KCNH8: variants seen among roughly 807,000 people sequenced by gnomAD.
KCNH8 encodes voltage-gated delayed rectifier potassium channel KCNH8.
Under a neutral mutation model 103.6 loss-of-function variants are expected in KCNH8, and 70 were observed. The observed-to-expected ratio is 0.68, with a 90% CI of 0.56 to 0.82. The LOEUF (loss-of-function observed/expected upper bound fraction) is 0.82, where lower values mean the gene tolerates loss of function less well. Among genes scored for constraint, KCNH8 ranks in the 40% least tolerant of loss-of-function variants. The pLI is 0.00. For synonymous variants in KCNH8, 498 were observed against 489.4 expected, an observed-to-expected ratio of 1.02 and a Z score of -0.23; for missense variants, 1,217 against 1,329.9, an observed-to-expected ratio of 0.92 and a Z score of 1.32.
intron 11 of KCNH8, among the ~76,000 whole-genome samples, chr3:19,498,800 G>C (rs1362418142): frequency 6.6e-6 from 1 of 152,148 alleles, no homozygotes; most frequent in East Asian, 1.9e-4. Flanking sequence ...CCTTCTAACA[G>C]ACAGGACCCT....
intron 11 of KCNH8, among the ~76,000 whole-genome samples, chr3:19,471,127 G>A (rs1008569270): frequency 6.6e-6 from 1 of 152,016 alleles, no homozygotes; most frequent in Non-Finnish European, 1.5e-5. Flanking sequence ...GAAAGAAAAG[G>A]CCACCTGCCA....
intron 5 of KCNH8, among the ~76,000 whole-genome samples, chr3:19,378,461 A>T (rs923218442): frequency 2.6e-5 from 4 of 152,138 alleles, no homozygotes; most frequent in Non-Finnish European, 5.9e-5. Context: ...ATTAGAAGCA[A>T]TTTTTCCCAT....
intron 10 of KCNH8, 54 bp downstream of exon 10, chr3:19,451,458 G>A: frequency 1.3e-6 from 2 of 1,564,526 alleles, no homozygotes; most frequent in Middle Eastern, 1.7e-4. Flanking sequence ...CATAAATTAA[G>A]AAGATGAAAT....
At chr3:19,376,294 T>C (rs1217907641) in intron 5 of KCNH8, among the ~76,000 whole-genome samples, 1 of 152,202 alleles carries the variant, frequency 6.6e-6, no homozygotes, top group Non-Finnish European at 1.5e-5. Flanking sequence ...CAGGATATAA[T>C]CTCGTGGTGC....
intron 3 of KCNH8, among the ~76,000 whole-genome samples, chr3:19,289,561 C>T (rs1364303224): frequency 6.6e-6 from 1 of 152,032 alleles, no homozygotes; most frequent in African/African-American, 2.4e-5. Flanking sequence ...TTTCTGAGGG[C>T]TCTGTTCTGT....
intron 2 of KCNH8, among the ~76,000 whole-genome samples, chr3:19,259,110 T>G (rs1559447155): frequency 6.6e-6 from 1 of 151,126 alleles, no homozygotes; most frequent in East Asian, 1.9e-4. Context: ...TGGATAACTC[T>G]GTACTCACAA....
At chr3:19,470,618 G>A (rs1462047281) in intron 11 of KCNH8, among the ~76,000 whole-genome samples, 1 of 152,180 alleles carries the variant, frequency 6.6e-6, no homozygotes, top group African/African-American at 2.4e-5. Flanking sequence ...GATGAAGAGA[G>A]ATCACCCTGT....
intron 8 of KCNH8, among the ~76,000 whole-genome samples, chr3:19,442,458 A>C (rs1386508704): frequency 6.6e-6 from 1 of 152,220 alleles, no homozygotes; most frequent in Non-Finnish European, 1.5e-5. Context: ...GTACTGAATC[A>C]AAAATTGTTA....
At chr3:19,292,052 C>T (rs1420024783) in intron 3 of KCNH8, among the ~76,000 whole-genome samples, 1 of 152,182 alleles carries the variant, frequency 6.6e-6, no homozygotes, top group African/African-American at 2.4e-5. Flanking sequence ...TTTTTCACAG[C>T]AGTTCATTCA....
intron 7 of KCNH8, among the ~76,000 whole-genome samples, chr3:19,414,567 G>T (rs796945202): frequency 1.2e-4 from 18 of 151,376 alleles, no homozygotes; most frequent in Admixed American, 5.9e-4. Context: ...TTCTTATTTG[G>T]GATAAAAAAG....
intron 5 of KCNH8, among the ~76,000 whole-genome samples, chr3:19,388,042 C>T (rs917176690): frequency 1.3e-5 from 2 of 151,738 alleles, no homozygotes; most frequent in Non-Finnish European, 2.9e-5. Context: ...ATAGGTCATT[C>T]ACTTCATTCA....
At chr3:19,181,706 A>G (rs2125202844) in intron 1 of KCNH8, among the ~76,000 whole-genome samples, 1 of 152,318 alleles carries the variant, frequency 6.6e-6, no homozygotes, top group East Asian at 1.9e-4. Flanking sequence ...CAACTCAAAG[A>G]TGTTTATAGT....
intron 15 of KCNH8, among the ~76,000 whole-genome samples, chr3:19,527,660 T>A (rs1274251969): frequency 6.6e-6 from 1 of 152,032 alleles, no homozygotes; most frequent in African/African-American, 2.4e-5. Flanking sequence ...ACAGCAGAAA[T>A]AGAAAAGCTG....
intron 3 of KCNH8, among the ~76,000 whole-genome samples, chr3:19,288,353 A>C (rs573697398): frequency 2.6e-5 from 4 of 151,634 alleles, no homozygotes; most frequent in African/African-American, 9.7e-5. Context: ...AACATTAGGT[A>C]TATCTCCTAA....
rs1211143963 is a variant in KCNH8, at chr3:19,148,592, G to GC, written c.-124dup. ...TCCATCCTTCCACTTCCCCTGCTCG[G>GC]CCCCGCCGTCAGGCCGGGTCCCCCT... On this transcript the variant is annotated 5_prime_UTR_variant, in exon 1 of 16. Transcript: ENST00000328405. The GC allele has an allele frequency of 3.5e-6, 3 of 863,822 alleles. No homozygotes were observed. The highest frequency in any genetic ancestry group is 1.8e-5 in the Admixed American group (1 of 55,542). The allele number at this position is 863,822 out of a possible 1,614,324, so 53.5% of individuals were successfully genotyped here.
intron 4 of KCNH8, among the ~76,000 whole-genome samples, chr3:19,346,246 G>A (rs1216218173): frequency 1.3e-5 from 2 of 151,986 alleles, no homozygotes; most frequent in Non-Finnish European, 2.9e-5. Flanking sequence ...GTAACAGCCC[G>A]AATTTTTATG....
At chr3:19,387,660 A>G (rs972502359) in intron 5 of KCNH8, among the ~76,000 whole-genome samples, 2 of 152,160 alleles carry the variant, frequency 1.3e-5, no homozygotes, top group African/African-American at 4.8e-5. Flanking sequence ...TCATAGACCT[A>G]GAAATCTTAG....
At chr3:19,334,868 GGAA>G (rs2065560608) in intron 3 of KCNH8, among the ~76,000 whole-genome samples, 1 of 151,854 alleles carries the variant, frequency 6.6e-6, no homozygotes, top group African/African-American at 2.4e-5. Flanking sequence ...TCATATTCAA[GGAA>G]GAAATGTGTA....
At chr3:19,480,302 A>G (rs548450195) in intron 11 of KCNH8, among the ~76,000 whole-genome samples, 2 of 152,288 alleles carry the variant, frequency 1.3e-5, no homozygotes, top group East Asian at 1.9e-4. Context: ...TTCTGCCTCA[A>G]CAGGACTGAA....
Sources: gnomAD v4.1 joint callset for allele counts (sites outside exome capture counted in the v4.1 genomes callset) on GRCh38, gnomAD v4.1.1 for gene constraint, MANE v1.5 for transcripts, NCBI Gene and HGNC (gene_info 2026-07-23, HGNC 2026-07-21) for gene names.